The following DPP6 variants were observed in gnomAD, a reference collection of about 807,000 sequenced individuals.
DPP6 encodes dipeptidyl peptidase like 6.
A neutral mutation model predicts 122.6 loss-of-function variants in DPP6; 69 were observed. The observed-to-expected ratio is 0.56, with a 90% confidence interval of 0.46 to 0.69. The LOEUF (loss-of-function observed/expected upper bound fraction) is 0.69. DPP6 is among the 30% of genes least tolerant of loss of function. The pLI, the probability that DPP6 is intolerant of heterozygous loss-of-function variation, is 0.00. For missense variants in DPP6, 928 were observed against 1,116.9 expected, an observed-to-expected ratio of 0.83 and a Z score of 2.41; for synonymous variants, 418 against 433.1, an observed-to-expected ratio of 0.97 and a Z score of 0.43.
chr7:153,788,770 C>A, the DPP6 span, among the ~76,000 whole-genome samples: 1 of 152,236 alleles, frequency 6.6e-6, no homozygotes, highest in East Asian at 1.9e-4. Context: ...TCGAGACCAG[C>A]CTGACCAATA....
intron 5 of DPP6, among the ~76,000 whole-genome samples, chr7:154,584,543 C>G (rs57896352): frequency 6.6e-6 from 1 of 152,202 alleles, no homozygotes; most frequent in Non-Finnish European, 1.5e-5. Flanking sequence ...CACCCCCATG[C>G]GGTTTCAGGG....
intron 1 of DPP6, among the ~76,000 whole-genome samples, chr7:154,007,169 G>A (rs1454390895): frequency 2.0e-5 from 3 of 152,182 alleles, no homozygotes; most frequent in African/African-American, 4.8e-5. Context: ...GACTGCAGAG[G>A]AAACACCATT....
At position 154,695,183 on chromosome 7, in the gene DPP6, G is replaced by A. The variant is rs183738089; in HGVS notation, c.762+25742G>A. On this transcript the variant is annotated intron_variant, in intron 7 of 25. Coordinates refer to ENST00000377770, the MANE Select transcript of DPP6 (RefSeq NM_130797.4). ...GGTAGCAGCCAGACTTGGGAATTTG[G>A]TGAGGGTGCATGACGCCCAAGACTA... Among the ~76,000 whole-genome samples the A allele has an allele frequency of 2.5e-3, 388 of 152,282 alleles. 3 individuals are homozygous for A. The highest frequency in any genetic ancestry group is 9.0e-3 in the African/African-American group (373 of 41,552).
chr7:154,651,042 A>C (rs543310372), intron 6 of DPP6, among the ~76,000 whole-genome samples: 1 of 152,274 alleles, frequency 6.6e-6, no homozygotes, highest in Non-Finnish European at 1.5e-5. Context: ...TTGAAATGCT[A>C]AGAGGAGCTC....
At chr7:154,852,409 C>G (rs908511364) in intron 16 of DPP6, among the ~76,000 whole-genome samples, 1 of 152,062 alleles carries the variant, frequency 6.6e-6, no homozygotes, top group South Asian at 2.1e-4. Flanking sequence ...CCACCCACTT[C>G]CCACTTCCTC....
intron 15 of DPP6, 103 bp downstream of exon 15, chr7:154,805,067 GAC>G: frequency 6.9e-7 from 1 of 1,455,196 alleles, no homozygotes. Context: ...CGGCAGCAAA[GAC>G]AGACCCCACC....
chr7:154,769,908 C>A (rs964607447), intron 9 of DPP6, among the ~76,000 whole-genome samples: 3 of 152,146 alleles, frequency 2.0e-5, no homozygotes, highest in Non-Finnish European at 2.9e-5. Context: ...TGAGTTTGGC[C>A]TCTGGGAAGG....
the DPP6 span, among the ~76,000 whole-genome samples, chr7:153,757,508 A>G: frequency 6.6e-6 from 1 of 152,142 alleles, no homozygotes; most frequent in Non-Finnish European, 1.5e-5. Context: ...CGGAATCAGT[A>G]GACTCGATCT....
chr7:154,063,293 C>A (rs1216764336), intron 1 of DPP6, among the ~76,000 whole-genome samples: 2 of 125,256 alleles, frequency 1.6e-5, no homozygotes, highest in Admixed American at 8.2e-5. Flanking sequence ...GGGAGGGACC[C>A]CCCATGAGGC....
chr7:154,061,923 A>AC lies in DPP6; in HGVS notation c.243+8865dup, dbSNP rs1393767451. On this transcript the variant is annotated intron_variant, in intron 1 of 25. Transcript: ENST00000377770. ...CCCTCTTCCCCCCCTGGCTCTGAGG[A>AC]CCCCCATCGCAGGAGGGGGAGGCAA... Among the ~76,000 whole-genome samples, 12 of 118,862 alleles carry AC rather than the reference A, an allele frequency of 1.0e-4. 2 individuals are homozygous for AC. Among genetic ancestry groups the AC allele is most frequent in the Non-Finnish European group, 1.7e-4 (10 of 57,156 alleles). The allele number at this position is 118,862 out of a possible 152,430, so 78.0% of individuals were successfully genotyped here.
chr7:154,794,245 C>T, intron 11 of DPP6, 43 bp downstream of exon 11: 11 of 1,544,108 alleles, frequency 7.1e-6, no homozygotes, highest in East Asian at 2.4e-5. Context: ...GGTGAAGAAC[C>T]GATGGTCAGA....
At chr7:154,631,158 G>A (rs1417231751) in intron 5 of DPP6, among the ~76,000 whole-genome samples, 2 of 152,170 alleles carry the variant, frequency 1.3e-5, no homozygotes, top group Non-Finnish European at 2.9e-5. Flanking sequence ...GAAATGATGG[G>A]GACCTGCCAG....
intron 3 of DPP6, among the ~76,000 whole-genome samples, chr7:154,495,196 A>T (rs887279466): frequency 6.6e-6 from 1 of 152,202 alleles, no homozygotes; most frequent in Non-Finnish European, 1.5e-5. Context: ...AGTATCTGGT[A>T]GGAAATGGGG....
chr7:154,860,185 ACCCCTGCCCCACCTTCTCCCTGAG>A (rs1803255791), intron 17 of DPP6, among the ~76,000 whole-genome samples: 1 of 151,842 alleles, frequency 6.6e-6, no homozygotes, highest in East Asian at 1.9e-4. Context: ...TGCTGGGCGC[ACCCCTGCCCCACCTTCTCCCTGAG>A]GCACCCCCTC....
chr7:154,416,647 G>A (rs1817044782), intron 1 of DPP6, among the ~76,000 whole-genome samples: 1 of 150,356 alleles, frequency 6.7e-6, no homozygotes, highest in Admixed American at 6.6e-5. Flanking sequence ...GCATCCACTG[G>A]GGGCATCCCC....
At chr7:154,458,764 G>A (rs1360498527) in intron 2 of DPP6, among the ~76,000 whole-genome samples, 2 of 152,214 alleles carry the variant, frequency 1.3e-5, no homozygotes, top group Admixed American at 6.5e-5. Context: ...TAGAAGCCAT[G>A]TGCCAGCCCT....
chr7:154,476,257 T>A (rs1461670566), intron 3 of DPP6, among the ~76,000 whole-genome samples: 15 of 152,124 alleles, frequency 9.9e-5, no homozygotes, highest in Non-Finnish European at 2.1e-4. Context: ...GGGGAGAAAT[T>A]AGAGCAGCAG....
At chr7:153,895,825 T>C (rs1799392047) in intron 1 of DPP6, among the ~76,000 whole-genome samples, 1 of 152,160 alleles carries the variant, frequency 6.6e-6, no homozygotes, top group East Asian at 1.9e-4. Context: ...TGAAGATCTG[T>C]TGGATAAGAG....
At chr7:153,949,706 C>T (rs1005148653) in intron 1 of DPP6, among the ~76,000 whole-genome samples, 13 of 152,348 alleles carry the variant, frequency 8.5e-5, no homozygotes, top group African/African-American at 3.1e-4. Flanking sequence ...TTATTTTCCT[C>T]TAATCACTTG....
Sources: gnomAD v4.1 joint callset for allele counts (sites outside exome capture counted in the v4.1 genomes callset) on GRCh38, gnomAD v4.1.1 for gene constraint, MANE v1.5 for transcripts, NCBI Gene and HGNC (gene_info 2026-07-23, HGNC 2026-07-21) for gene names.